The following PLA1A variants were observed in gnomAD, a reference collection of about 807,000 sequenced individuals.
The protein encoded by PLA1A is phospholipase A1 member A, also known as phosphatidylserine-specific phospholipase A1alpha.
In PLA1A, 47 loss-of-function variants were observed where a neutral mutation model predicts 49.4. That is an observed-to-expected ratio of 0.95 (90% CI 0.75 to 1.21). PLA1A has a LOEUF of 1.21. Ranked by LOEUF, PLA1A falls within the 50% of genes most tolerant of loss-of-function variation. PLA1A has a pLI of 0.00. For synonymous variants in PLA1A, 224 were observed against 207.9 expected, an observed-to-expected ratio of 1.08 and a Z score of -0.67; for missense variants, 561 against 563.9, an observed-to-expected ratio of 0.99 and a Z score of 0.05.
chr3:119,612,553 A>C (rs2082780485), intron 4 of PLA1A, among the ~76,000 whole-genome samples: 1 of 151,574 alleles, frequency 6.6e-6, no homozygotes, highest in Non-Finnish European at 1.5e-5. Flanking sequence ...CAGTGGCGCG[A>C]TCTTGGCTTA....
intron 6 of PLA1A, among the ~76,000 whole-genome samples, chr3:119,617,087 T>C (rs2107792119): frequency 6.6e-6 from 1 of 152,344 alleles, no homozygotes; most frequent in East Asian, 1.9e-4. Context: ...ACCCTGGAGT[T>C]GTATACAGCT....
chr3:119,601,039 C>T (rs1029709173), intron 1 of PLA1A, among the ~76,000 whole-genome samples: 11 of 152,340 alleles, frequency 7.2e-5, no homozygotes, highest in Non-Finnish European at 1.2e-4. Flanking sequence ...GAGGAGGGTG[C>T]CTGCTTCCCG....
At position 119,616,023 on chromosome 3, in the gene PLA1A, C is replaced by A. The variant is rs371714263; in HGVS notation, c.676C>A (p.Arg226=). The change falls in exon 6 of 11, where the codon CGG becomes AGG. Residue 226 remains arginine (R), a synonymous_variant. Transcript: ENST00000273371. ...IHTDTDNLGI[R]IPVGHVDYFV... is the part of the protein sequence containing the mutation. The stretch of plus-strand genomic sequence containing the variant: ...GTGCCTCCTTTCAGATTTGGGTATT[C>A]GGATTCCCGTTGGACATGTGGACTA... The A allele has an allele frequency of 2.3e-5, 37 of 1,610,612 alleles. No individual in the cohort carries two copies. The South Asian group carries it at 3.6e-4, about 16-fold the overall frequency.
rs780493552 is a variant in PLA1A, at chr3:119,606,792, C to G, written c.92C>G (p.Pro31Arg). 3 of 1,614,104 alleles carry G rather than the reference C, an allele frequency of 1.9e-6. No homozygotes were observed. Among genetic ancestry groups the G allele is most frequent in the Non-Finnish European group, 2.5e-6 (3 of 1,179,986 alleles). Reference protein sequence around the residue: ...VGSSGDAPPTPQPKCADFQSA... With the variant: ...VGSSGDAPPTRQPKCADFQSA... ...CCTCCAGGGGATGCACCTCCTACCC[C>G]ACAGCCAAAGTGCGCTGACTTCCAG... Residue 31 changes from proline to arginine, a missense_variant, in exon 2 of 11, where the codon CCA (proline) becomes CGA (arginine). Pro to Arg is a moderately radical substitution (Grantham distance 103). Transcript: ENST00000273371.
rs200900758 is a variant in PLA1A, at chr3:119,613,901, AG to A, written c.664+784del. Among the ~76,000 whole-genome samples the A allele has an allele frequency of 6.1e-3, 919 of 151,684 alleles. 15 individuals carry two copies. Among genetic ancestry groups the A allele is most frequent in the African/African-American group, 0.02 (817 of 41,248 alleles). On this transcript the variant is annotated intron_variant, in intron 5 of 10. Transcript: ENST00000273371. ...GAGCGAGACTCTGTCTCCAAAAAAA[AG>A]AAAAAAAGAATCCCTTTTCCAATAG...
At chr3:119,599,407 C>T (rs2082583663) in intron 1 of PLA1A, among the ~76,000 whole-genome samples, 1 of 152,148 alleles carries the variant, frequency 6.6e-6, no homozygotes, top group Non-Finnish European at 1.5e-5. Flanking sequence ...GGGTCCCGTT[C>T]TGAGAAGTGG....
Position 119,611,492 on chromosome 3 carries a change from A to G in PLA1A, c.563-1525A>G, listed in dbSNP as rs560772612. ...GGCAAATACTATGCAAAAAGCATAGAATACCTTTCCATTTGTTTGTGTCAC... is the reference window on the plus strand; with the variant it reads ...GGCAAATACTATGCAAAAAGCATAGGATACCTTTCCATTTGTTTGTGTCAC... On this transcript the variant is annotated intron_variant, in intron 4 of 10. Coordinates refer to ENST00000273371, the MANE Select transcript of PLA1A (RefSeq NM_015900.4). Among the ~76,000 whole-genome samples, 4 of 152,334 alleles carry G rather than the reference A, an allele frequency of 2.6e-5. No homozygotes were observed. In the South Asian group the frequency reaches 8.3e-4, roughly 32 times the overall value.
chr3:119,626,936 T>G (rs2052545893), intron 9 of PLA1A, among the ~76,000 whole-genome samples: 1 of 152,178 alleles, frequency 6.6e-6, no homozygotes, highest in Admixed American at 6.5e-5. Context: ...TTTCATCATC[T>G]TCTAGCCCAT....
rs1193400750 is a variant in PLA1A, at chr3:119,613,111, C to T, written c.657C>T (p.Asp219=). ...TCTTCGTGGAAGCCATCCACACAGACACCGACAGTGAGCTGGGGTGACCTT... is the reference window on the plus strand; with the variant it reads ...TCTTCGTGGAAGCCATCCACACAGATACCGACAGTGAGCTGGGGTGACCTT... ...DALFVEAIHT[D]TDNLGIRIPV... is the part of the protein sequence containing the mutation. The change falls in exon 5 of 11, where the codon GAC becomes GAT. Residue 219 remains aspartate, a synonymous_variant. Coordinates refer to ENST00000273371, the MANE Select transcript of PLA1A (RefSeq NM_015900.4). 6.2e-7 allele frequency: 1 copy of T among 1,603,096 alleles called. No individual in the cohort carries two copies.
intron 8 of PLA1A, chr3:119,620,101 T>C: frequency 2.2e-6 from 1 of 457,490 alleles, no homozygotes; most frequent in South Asian, 1.5e-5. Context: ...TCACTGTTGC[T>C]CCTAACCATG....
chr3:119,629,220 T>C (rs1004752280), intron 10 of PLA1A, among the ~76,000 whole-genome samples, 164 bp from the exon 11 acceptor site: 2 of 152,208 alleles, frequency 1.3e-5, no homozygotes, highest in Non-Finnish European at 2.9e-5. Context: ...GGCATTTATG[T>C]CATTAACCTT....
At position 119,608,816 on chromosome 3, in the gene PLA1A, C is replaced by A. The variant is rs2082728544; in HGVS notation, c.322C>A (p.Leu108Ile). ...PSWIDTFIRTLLRATNANVIA... is the reference protein window; with the variant it reads ...PSWIDTFIRTILRATNANVIA... Reference sequence around the variant, plus strand: ...CTGGATTGACACATTTATTAGAACCCTTCTGCGTGCAACGAATGCTAATGT... The same window carrying A: ...CTGGATTGACACATTTATTAGAACCATTCTGCGTGCAACGAATGCTAATGT... Residue 108 changes from leucine (L) to isoleucine (I), a missense_variant, in exon 3 of 11, where the codon CTT becomes ATT. Coordinates refer to ENST00000273371, the MANE Select transcript of PLA1A (RefSeq NM_015900.4). 6.8e-6 allele frequency: 11 copies of A among 1,613,822 alleles called. No homozygotes were observed. Among genetic ancestry groups the A allele is most frequent in the Non-Finnish European group, 8.5e-6 (10 of 1,179,830 alleles).
At chr3:119,609,104 T>C (rs1005521194) in intron 3 of PLA1A, among the ~76,000 whole-genome samples, 157 bp downstream of exon 3, 2 of 152,148 alleles carry the variant, frequency 1.3e-5, no homozygotes, top group African/African-American at 4.8e-5. Context: ...CTCACAGCAC[T>C]GACCTCGGGC....
At chr3:119,623,462 C>G (rs112357590) in intron 8 of PLA1A, among the ~76,000 whole-genome samples, 2 of 152,044 alleles carry the variant, frequency 1.3e-5, no homozygotes, top group African/African-American at 4.8e-5. Context: ...TCTTTCTTAC[C>G]TTCTCTTGCC....
At chr3:119,601,960 C>T (rs903161477) in intron 1 of PLA1A, among the ~76,000 whole-genome samples, 1 of 152,004 alleles carries the variant, frequency 6.6e-6, no homozygotes. Flanking sequence ...TATATTAATA[C>T]TTTTTTTAAT....
chr3:119,613,783 C>G (rs2082803150), intron 5 of PLA1A, among the ~76,000 whole-genome samples: 1 of 152,146 alleles, frequency 6.6e-6, no homozygotes, highest in South Asian at 2.1e-4. Context: ...GTCCCAGCTA[C>G]TCTGGAGGCT....
At chr3:119,608,346 A>T (rs1000120197) in intron 2 of PLA1A, among the ~76,000 whole-genome samples, 5 of 152,258 alleles carry the variant, frequency 3.3e-5, no homozygotes, top group African/African-American at 1.2e-4. Context: ...AATGAGAATT[A>T]AGATCGCAAA....
intron 1 of PLA1A, among the ~76,000 whole-genome samples, chr3:119,604,156 G>A (rs2082653243): frequency 6.6e-6 from 1 of 152,174 alleles, no homozygotes; most frequent in African/African-American, 2.4e-5. Context: ...TGGTAGGAGT[G>A]TAAATTAGTA....
At chr3:119,627,635 C>T in intron 9 of PLA1A, among the ~76,000 whole-genome samples, 1 of 76,058 alleles carries the variant, frequency 1.3e-5, no homozygotes, top group East Asian at 7.2e-4. Flanking sequence ...ACCACCCCTG[C>T]CCCCGCCGAG....
Sources: gnomAD v4.1 joint callset for allele counts (sites outside exome capture counted in the v4.1 genomes callset) on GRCh38, gnomAD v4.1.1 for gene constraint, MANE v1.5 for transcripts, NCBI Gene and HGNC (gene_info 2026-07-23, HGNC 2026-07-21) for gene names.